MORC1: variants seen among roughly 807,000 people sequenced by gnomAD.
The protein encoded by MORC1 is MORC family CW-type zinc finger 1, also known as MORC family CW-type zinc finger protein 1.
A neutral mutation model predicts 134.9 loss-of-function variants in MORC1; 59 were observed. The ratio of observed to expected loss-of-function variants is 0.44; its 90% confidence interval spans 0.35 to 0.54. The LOEUF is 0.54. Among genes scored for constraint, MORC1 ranks in the 20% least tolerant of loss-of-function variants. MORC1 has a pLI of 0.00. For synonymous variants in MORC1, 395 were observed against 391.7 expected (o/e 1.01, Z -0.10); for missense variants, 947 against 1,134.5 (o/e 0.83, Z 2.37).
Position 108,958,976 on chromosome 3 carries a change from AAGTCTTTTCAT to A in MORC1, c.2933_2943del (p.Asn978IlefsTer24), listed in dbSNP as rs1429700584. The stretch of plus-strand genomic sequence containing the variant: ...ATACCATCTCTGACTTAATTTTCCG[AAGTCTTTTCAT>A]TTTTTTCTAAAGGGAGTCTATGTCT... On this transcript the variant is annotated frameshift_variant, in exon 28 of 28. Transcript: ENST00000232603. LOFTEE classifies it high-confidence loss of function. The A allele has an allele frequency of 3.3e-6, 5 of 1,493,010 alleles. No homozygotes were observed. In the South Asian group the frequency reaches 5.4e-5, roughly 16 times the overall value. 92.5% of individuals were successfully genotyped at this position (1,493,010 alleles called of 1,614,324 possible).
intron 7 of MORC1, among the ~76,000 whole-genome samples, chr3:109,093,801 T>C (rs1406370816): frequency 6.6e-6 from 1 of 152,202 alleles, no homozygotes; most frequent in Non-Finnish European, 1.5e-5. Context: ...TCAATGTGGA[T>C]TTTTAAACTT....
At chr3:109,090,367 C>T (rs186768930) in intron 8 of MORC1, among the ~76,000 whole-genome samples, 1 of 152,110 alleles carries the variant, frequency 6.6e-6, no homozygotes, top group African/African-American at 2.4e-5. Flanking sequence ...CCTGTAATCC[C>T]AGCACTTTGG....
chr3:108,973,594 G>GTT (rs1559863612), intron 24 of MORC1, among the ~76,000 whole-genome samples: 18 of 123,408 alleles, frequency 1.5e-4, no homozygotes, highest in South Asian at 2.7e-4. Context: ...GCTTTGTTTT[G>GTT]GTTTTTTTTT....
chr3:109,114,349 T>G (rs1184712009), intron 2 of MORC1, 35 bp downstream of exon 2: 1 of 1,555,206 alleles, frequency 6.4e-7, no homozygotes, highest in Admixed American at 1.8e-5. Context: ...GTCATGAAAT[T>G]CCCTCAGTAA....
At chr3:109,093,374 C>T in intron 8 of MORC1, 62 bp downstream of exon 8, 1 of 1,267,864 alleles carries the variant, frequency 7.9e-7, no homozygotes, top group Non-Finnish European at 1.1e-6. Flanking sequence ...AGCCAGGATG[C>T]AGGGCTCCTA....
chr3:109,114,403 C>T lies in MORC1; in HGVS notation c.100G>A (p.Glu34Lys). 6.2e-7 allele frequency: 1 copy of T among 1,613,302 alleles called. No individual in the cohort carries two copies. Among genetic ancestry groups the T allele is most frequent in the Non-Finnish European group, 8.5e-7 (1 of 1,179,560 alleles). The change falls in exon 2 of 28, where the codon GAA (glutamate) becomes AAA (lysine). Residue 34 changes from glutamate (E) to lysine (K), a missense_variant. Transcript: ENST00000232603. ...CCTTACCTTGCATTGTCCAGCAATT[C>T]AGCCAGTGCTCCAAAAAGGAAACTG... ...THSFLFGALA[E>K]LLDNARDAGA... is the part of the protein sequence containing the mutation.
intron 8 of MORC1, among the ~76,000 whole-genome samples, chr3:109,087,044 T>C (rs950316789): frequency 1.3e-5 from 2 of 152,044 alleles, no homozygotes; most frequent in Non-Finnish European, 2.9e-5. Flanking sequence ...TACATTGCTT[T>C]ACCTGTTTAT....
In MORC1 at chr3:109,099,438, T is replaced by C. The variant is rs141763031; in HGVS notation, c.343A>G (p.Ile115Val). 19 of 1,612,686 alleles carry C rather than the reference T, an allele frequency of 1.2e-5. No homozygotes were observed. The African/African-American group carries it at 1.3e-4, about 11-fold the overall frequency. Residue 115 changes from isoleucine (I) to valine (V), a missense_variant, in exon 6 of 28, where the codon ATT (isoleucine) becomes GTT (valine). Around this residue, in one of 3 missense-constraint regions of MORC1, gnomAD observed 214 missense variants for 281.3 expected, o/e 0.76. Coordinates refer to ENST00000232603, the MANE Select transcript of MORC1 (RefSeq NM_014429.4). ...GTTTCTTCCTTCTTCGTAAAAAGAA[T>C]AAAGTCTTTTCCAATTCTCATGGAC... ...SGSMRIGKDFILFTKKEETMT... is the reference protein window; with the variant it reads ...SGSMRIGKDFVLFTKKEETMT...
At chr3:109,096,909 G>A (rs1294595157) in intron 6 of MORC1, among the ~76,000 whole-genome samples, 1 of 151,926 alleles carries the variant, frequency 6.6e-6, no homozygotes, top group Non-Finnish European at 1.5e-5. Flanking sequence ...TCAGAAAACA[G>A]GAAGGAAAGG....
In MORC1 at chr3:108,979,526, C is replaced by T. The variant is rs554758863; in HGVS notation, c.2466G>A (p.Lys822=). 2 of 1,613,846 alleles carry T rather than the reference C, an allele frequency of 1.2e-6. No homozygotes were observed. Among genetic ancestry groups the T allele is most frequent in the East Asian group, 2.2e-5 (1 of 44,868 alleles). Residue 822 remains lysine (K), a synonymous_variant, in exon 24 of 28, where the codon AAG becomes AAA. Transcript: ENST00000232603. ...GTAAATATCTTTACCTTAACTTAGA[C>T]TTCAGTTTTCTCACTGTTTCCTTGA... is the stretch of plus-strand genomic sequence containing the variant. ...TPVKETVRKL[K]SKLREILLYF...
intron 21 of MORC1, among the ~76,000 whole-genome samples, chr3:108,992,130 T>A (rs961748107): frequency 2.0e-5 from 3 of 152,192 alleles, no homozygotes; most frequent in Admixed American, 6.6e-5. Flanking sequence ...TTTATCTGTC[T>A]TTCAAAGCTC....
chr3:109,028,980 A>C (rs762771805), intron 16 of MORC1, among the ~76,000 whole-genome samples: 1 of 152,136 alleles, frequency 6.6e-6, no homozygotes, highest in Non-Finnish European at 1.5e-5. Context: ...CAGAAAATAC[A>C]TGGGTGTTAG....
At chr3:109,015,612 A>G (rs1370074155) in intron 17 of MORC1, among the ~76,000 whole-genome samples, 3 of 152,084 alleles carry the variant, frequency 2.0e-5, no homozygotes, top group African/African-American at 7.2e-5. Context: ...CTTCTTTATA[A>G]TTTATAGTTC....
intron 20 of MORC1, among the ~76,000 whole-genome samples, 154 bp downstream of exon 20, chr3:109,004,663 C>T (rs1276012779): frequency 6.6e-6 from 1 of 152,036 alleles, no homozygotes; most frequent in Non-Finnish European, 1.5e-5. Flanking sequence ...ACATTATATC[C>T]CAGTTTTTTC....
intron 19 of MORC1, 88 bp downstream of exon 19, chr3:109,004,982 T>TC: frequency 6.4e-7 from 1 of 1,573,026 alleles, no homozygotes; most frequent in Non-Finnish European, 8.6e-7. Context: ...TTAAAGTGTC[T>TC]TAAAATGTGA....
chr3:109,020,070 G>A (rs560121909), intron 17 of MORC1, among the ~76,000 whole-genome samples: 74 of 152,240 alleles, frequency 4.9e-4, no homozygotes, highest in African/African-American at 1.7e-3. Context: ...CTTCCATGGC[G>A]CTGTCCTAAC....
Position 109,061,976 on chromosome 3 carries a change from T to A in MORC1, c.966+12A>T. 6.2e-7 allele frequency: 1 copy of A among 1,612,412 alleles called. No homozygotes were observed. On this transcript the variant is annotated intron_variant, in intron 11 of 27. Coordinates refer to ENST00000232603, the MANE Select transcript of MORC1 (RefSeq NM_014429.4). Reference sequence around the variant, plus strand: ...TGCCATTTAATAAGACTACTCTCTTTACATGTCGTACCTTGGCAGAAGATA... The same window carrying A: ...TGCCATTTAATAAGACTACTCTCTTAACATGTCGTACCTTGGCAGAAGATA...
chr3:109,071,712 GCT>G (rs1172140671), intron 8 of MORC1, among the ~76,000 whole-genome samples: 1 of 152,178 alleles, frequency 6.6e-6, no homozygotes, highest in Non-Finnish European at 1.5e-5. Context: ...ATCTAGGATA[GCT>G]TATTAGAGAC....
chr3:108,996,286 G>A (rs7637391), intron 21 of MORC1, among the ~76,000 whole-genome samples: 17,523 of 146,346 alleles, frequency 0.12, 1,148 homozygotes, highest in Non-Finnish European at 0.13. Flanking sequence ...GCGCGCGCGC[G>A]CACACACACA....
Sources: allele counts gnomAD v4.1 joint callset (sites outside exome capture counted in the v4.1 genomes callset), GRCh38; gene constraint gnomAD v4.1.1; regional missense constraint gnomAD v4.1.1; transcripts MANE v1.5; gene names NCBI Gene and HGNC (gene_info 2026-07-23, HGNC 2026-07-21).